GPR35: variants seen among roughly 807,000 people sequenced by gnomAD.
GPR35 encodes the protein G protein-coupled receptor 35.
For synonymous variants in GPR35, 207 were observed against 198.4 expected, an observed-to-expected ratio of 1.04 and a Z score of -0.36; for missense variants, 372 against 422.5, an observed-to-expected ratio of 0.88 and a Z score of 1.05.
In GPR35 at chr2:240,630,431, G is replaced by A. The variant is rs780904028; in HGVS notation, c.479G>A (p.Gly160Asp). The change falls in exon 2 of 2, where the codon GGC becomes GAC. Residue 160 changes from glycine to aspartate, a missense_variant. Coordinates refer to ENST00000407714, the MANE Select transcript of GPR35 (RefSeq NM_005301.5). ...ARWLLGIQEGGFCFRSTRHNF... is the reference protein window; with the variant it reads ...ARWLLGIQEGDFCFRSTRHNF... ...TGGCTCCTGGGGATTCAGGAGGGCG[G>A]CTTCTGCTTCAGGAGCACCCGGCAC... The A allele has an allele frequency of 6.2e-7, 1 of 1,612,728 alleles. No homozygotes were observed. Among genetic ancestry groups the A allele is most frequent in the Non-Finnish European group, 8.5e-7 (1 of 1,179,954 alleles).
intron 2 of GPR35, chr2:240,607,553 G>A (rs890203665): frequency 2.6e-5 from 4 of 152,060 alleles, no homozygotes; most frequent in East Asian, 1.9e-4. Flanking sequence ...TCAAGCATAC[G>A]TTTCCCACTT....
upstream of GPR35, chr2:240,625,422 C>G (rs745402783): frequency 2.5e-5 from 25 of 985,424 alleles, no homozygotes; most frequent in South Asian, 1.9e-4. Flanking sequence ...CCCGCCCCCC[C>G]ACCTTAAGGA....
chr2:240,613,519 TCCTAACCATAAC>T (rs1216289210), intron 2 of GPR35, among the ~76,000 whole-genome samples: 4 of 151,704 alleles, frequency 2.6e-5, no homozygotes, highest in African/African-American at 7.3e-5. Context: ...TGAACCCAAA[TCCTAACCATAAC>T]CCTAACCATA....
intron 2 of GPR35, among the ~76,000 whole-genome samples, chr2:240,609,280 A>G (rs1208554442): frequency 6.6e-6 from 1 of 151,976 alleles, no homozygotes; most frequent in African/African-American, 2.4e-5. Flanking sequence ...GTTGTTTTCT[A>G]GATTCTCAAA....
chr2:240,618,898 C>T (rs2043264556), exon 5 of GPR35: 1 of 694,654 alleles, frequency 1.4e-6, no homozygotes, highest in East Asian at 2.7e-5. Flanking sequence ...TGCTCAGTGT[C>T]CTGTGGTGTG....
upstream of GPR35, chr2:240,625,200 G>A (rs2043354853): frequency 1.1e-6 from 1 of 902,966 alleles, no homozygotes; most frequent in Non-Finnish European, 1.3e-6. Context: ...CGTGGGCGGG[G>A]CTGGAGCGTC....
upstream of GPR35, among the ~76,000 whole-genome samples, chr2:240,621,134 T>A (rs1311643262): frequency 1.3e-5 from 2 of 152,230 alleles, no homozygotes; most frequent in East Asian, 3.8e-4. Context: ...AGGACCCCAC[T>A]GGTCTGCCTG....
intron 2 of GPR35, among the ~76,000 whole-genome samples, chr2:240,614,105 C>A (rs549726736): frequency 6.6e-6 from 1 of 152,250 alleles, no homozygotes; most frequent in Admixed American, 6.5e-5. Context: ...CTAATTCCAA[C>A]CCTAACCCTA....
At chr2:240,610,021 G>T (rs929803067) in intron 2 of GPR35, among the ~76,000 whole-genome samples, 3 of 151,156 alleles carry the variant, frequency 2.0e-5, no homozygotes, top group African/African-American at 7.3e-5. Flanking sequence ...GTGCAGTGGC[G>T]CAATCTCAGC....
upstream of GPR35, among the ~76,000 whole-genome samples, chr2:240,621,248 C>CTTATTTAT (rs58540256): frequency 1.1e-4 from 17 of 151,472 alleles, no homozygotes; most frequent in East Asian, 2.0e-4. Context: ...TGTTTTATTT[C>CTTATTTAT]TTATTTATTT....
At chr2:240,612,282 C>G (rs1054956659) in intron 2 of GPR35, among the ~76,000 whole-genome samples, 1 of 151,736 alleles carries the variant, frequency 6.6e-6, no homozygotes, top group Non-Finnish European at 1.5e-5. Context: ...AAAAAATTAG[C>G]CGGGTGTGGT....
intron 2 of GPR35, among the ~76,000 whole-genome samples, chr2:240,609,090 A>T (rs1439028770): frequency 6.6e-6 from 1 of 152,034 alleles, no homozygotes; most frequent in African/African-American, 2.4e-5. Context: ...TTTATTCCTG[A>T]TATTAGTAAT....
intron 2 of GPR35, among the ~76,000 whole-genome samples, chr2:240,611,466 A>G (rs1329767224): frequency 6.6e-6 from 1 of 152,138 alleles, no homozygotes; most frequent in African/African-American, 2.4e-5. Flanking sequence ...CTTCTAGACT[A>G]TTATACTTCC....
At chr2:240,620,709 G>T (rs549596242), upstream of GPR35, among the ~76,000 whole-genome samples, 39 of 152,252 alleles carry the variant, frequency 2.6e-4, no homozygotes, top group Admixed American at 2.4e-3. Flanking sequence ...GCACAGGGCG[G>T]GGTCTTGGCT....
intron 4 of GPR35, chr2:240,618,741 C>T (rs561009742): frequency 4.4e-5 from 19 of 436,650 alleles, no homozygotes; most frequent in Non-Finnish European, 7.3e-5. Flanking sequence ...CTTATCTTTC[C>T]ATTTGTAAAA....
rs530038080 is a variant in GPR35, at chr2:240,631,285, G to A, written c.*403G>A. 4.7e-5 allele frequency: 11 copies of A among 232,554 alleles called. No individual in the cohort carries two copies. The highest frequency in any genetic ancestry group is 9.1e-5 in the African/African-American group (4 of 43,918). 14.4% of individuals were successfully genotyped at this position (232,554 alleles called of 1,614,324 possible). On this transcript the variant is annotated 3_prime_UTR_variant, in exon 2 of 2. Coordinates refer to ENST00000407714, the MANE Select transcript of GPR35 (RefSeq NM_005301.5). ...GTGGGGCCCTCTGTGTTTCGCACTCGTGTGGTGGGAGGCAGGGAGGGAGCG... is the reference window on the plus strand; with the variant it reads ...GTGGGGCCCTCTGTGTTTCGCACTCATGTGGTGGGAGGCAGGGAGGGAGCG...
rs1190048180 is a variant in GPR35 at position 240,630,188 on chromosome 2, C to A, written c.236C>A (p.Ser79Tyr). 8.8e-6 allele frequency: 14 copies of A among 1,585,594 alleles called. No homozygotes were observed. The highest frequency in any genetic ancestry group is 3.3e-4 in the Middle Eastern group (2 of 6,004). Residue 79 changes from serine (S) to tyrosine (Y), a missense_variant, in exon 2 of 2, where the codon TCC becomes TAC. Physicochemically the swap from Ser to Tyr is moderately radical, Grantham distance 144 (BLOSUM62 -2). Coordinates refer to ENST00000407714, the MANE Select transcript of GPR35 (RefSeq NM_005301.5). Reference protein sequence around the residue: ...LLCTLPFVLHSLRDTSDTPLC... With the variant: ...LLCTLPFVLHYLRDTSDTPLC... The stretch of plus-strand genomic sequence containing the variant: ...TGCACCTTGCCCTTCGTGCTGCACT[C>A]CCTGCGAGACACCTCAGACACGCCG...
intron 1 of GPR35, chr2:240,629,642 G>T: frequency 3.3e-6 from 1 of 307,244 alleles, no homozygotes. Context: ...GGTAGGGCTT[G>T]CTGGGCTGGG....
intron 5 of GPR35, among the ~76,000 whole-genome samples, chr2:240,619,881 T>C (rs1009728160): frequency 2.0e-5 from 3 of 152,042 alleles, no homozygotes; most frequent in Non-Finnish European, 4.4e-5. Flanking sequence ...GCGGGGCTCT[T>C]GGACAGGAGG....
Sources: allele counts gnomAD v4.1 joint callset (sites outside exome capture counted in the v4.1 genomes callset), GRCh38; gene constraint gnomAD v4.1.1; transcripts MANE v1.5; gene names NCBI Gene and HGNC (gene_info 2026-07-23, HGNC 2026-07-21).